The following SHTN1 variants were observed in gnomAD, a reference collection of about 807,000 sequenced individuals.
SHTN1 encodes shootin 1.
A neutral mutation model predicts 83.1 loss-of-function variants in SHTN1; 42 were observed. That is an observed-to-expected ratio of 0.51 (90% CI 0.39 to 0.65). The LOEUF is 0.65. Ranked by LOEUF, SHTN1 falls within the 30% of genes least tolerant of loss-of-function variation. SHTN1 has a pLI of 0.00. For synonymous variants in SHTN1, 224 were observed against 247.7 expected (o/e 0.90, Z 0.90); for missense variants, 622 against 737.8 (o/e 0.84, Z 1.82).
intron 8 of SHTN1, 38 bp downstream of exon 8, chr10:116,944,880 ACTCTGT>A: frequency 8.1e-7 from 1 of 1,240,464 alleles, no homozygotes; most frequent in Non-Finnish European, 1.2e-6. Context: ...ACAGAGCGAG[ACTCTGT>A]CTCAAGAAAA....
rs1347905633 is a variant in SHTN1, at chr10:116,968,645, T to C, written c.172+7A>G. On this transcript the variant is annotated splice_region_variant and intron_variant, in intron 3 of 16. Transcript: ENST00000355371. ...GTTATAATAATTCCACTGAAATGCT[T>C]ACGTACTTTTCTGAAATTCTTCCAG... 4 of 1,600,680 alleles carry C rather than the reference T, an allele frequency of 2.5e-6. No individual in the cohort carries two copies. The African/African-American group carries it at 5.4e-5, about 21-fold the overall frequency.
At chr10:116,907,352 G>C (rs1459670020) in intron 14 of SHTN1, among the ~76,000 whole-genome samples, 1 of 152,166 alleles carries the variant, frequency 6.6e-6, no homozygotes, top group African/African-American at 2.4e-5. Context: ...GCAAGCAAGG[G>C]TCGGCATCTT....
In SHTN1 at chr10:116,949,147, A is replaced by G. The variant is rs533793471; in HGVS notation, c.535-150T>C. The G allele has an allele frequency of 7.4e-6, 6 of 814,308 alleles. No individual in the cohort carries two copies. The Admixed American group carries it at 2.0e-4, about 27-fold the overall frequency. The allele number at this position is 814,308 out of a possible 1,614,324, so 50.4% of individuals were successfully genotyped here. A position where few individuals can be genotyped will look rare whatever the true frequency, so the allele number is the denominator to read the frequency against. ...TTTCAATGTGTTAGGACTTTTTATT[A>G]AAGCTCTTCTTTAAAGCTTCAAGGA... On this transcript the variant is annotated intron_variant, in intron 6 of 16. Coordinates refer to ENST00000355371, the MANE Select transcript of SHTN1 (RefSeq NM_001127211.3).
intron 14 of SHTN1, among the ~76,000 whole-genome samples, chr10:116,907,131 G>T (rs1589795417): frequency 1.3e-5 from 2 of 152,250 alleles, no homozygotes; most frequent in Middle Eastern, 3.4e-3. Context: ...TCTTTATATG[G>T]CAGCCACAAG....
At chr10:116,999,191 C>G (rs1016374757) in intron 1 of SHTN1, among the ~76,000 whole-genome samples, 2 of 152,172 alleles carry the variant, frequency 1.3e-5, no homozygotes, top group African/African-American at 2.4e-5. Context: ...ATCCAGAGGA[C>G]ATTAAATACA....
At chr10:117,073,502 T>C (rs1036116313) in intron 1 of SHTN1, among the ~76,000 whole-genome samples, 6 of 152,198 alleles carry the variant, frequency 3.9e-5, no homozygotes, top group African/African-American at 1.2e-4. Context: ...TACCATATTA[T>C]AGTGCATTTC....
chr10:116,926,733 G>C (rs1338692321), intron 11 of SHTN1, among the ~76,000 whole-genome samples: 2 of 150,380 alleles, frequency 1.3e-5, no homozygotes, highest in African/African-American at 4.9e-5. Context: ...AAAAACCCTA[G>C]AAAAAGTTTT....
At chr10:117,097,900 T>C (rs1197761879) in intron 1 of SHTN1, among the ~76,000 whole-genome samples, 1 of 152,138 alleles carries the variant, frequency 6.6e-6, no homozygotes, top group African/African-American at 2.4e-5. Flanking sequence ...TGTTTTTTTT[T>C]TTCCATCATC....
intron 1 of SHTN1, among the ~76,000 whole-genome samples, chr10:116,982,410 T>C (rs926003806): frequency 6.6e-6 from 1 of 152,076 alleles, no homozygotes; most frequent in Non-Finnish European, 1.5e-5. Flanking sequence ...AAACAACACA[T>C]ACACAGACAT....
intron 13 of SHTN1, among the ~76,000 whole-genome samples, chr10:116,914,939 T>C (rs1848331208): frequency 1.3e-5 from 2 of 152,224 alleles, no homozygotes; most frequent in Admixed American, 1.3e-4. Context: ...GTTGTTATTA[T>C]GTGATTCCGT....
chr10:116,940,432 T>C (rs1041103843), intron 9 of SHTN1, 34 bp downstream of exon 9: 3 of 1,607,302 alleles, frequency 1.9e-6, no homozygotes, highest in Non-Finnish European at 2.6e-6. Flanking sequence ...TGTATGTGTG[T>C]GTGTACCTAA....
chr10:117,048,789 C>T (rs1484194889), intron 1 of SHTN1, among the ~76,000 whole-genome samples: 1 of 152,100 alleles, frequency 6.6e-6, no homozygotes, highest in African/African-American at 2.4e-5. Context: ...TAATACCCAG[C>T]CATTAGCACT....
intron 1 of SHTN1, among the ~76,000 whole-genome samples, chr10:117,099,007 T>TATACACAC (rs1554939105): frequency 2.3e-5 from 1 of 43,088 alleles, no homozygotes; most frequent in Admixed American, 2.3e-4. Flanking sequence ...ATGTGGTATG[T>TATACACAC]ATACACACAC....
intron 1 of SHTN1, among the ~76,000 whole-genome samples, chr10:117,056,511 C>T (rs990904126): frequency 6.6e-6 from 1 of 152,184 alleles, no homozygotes; most frequent in East Asian, 1.9e-4. Context: ...CAATACTCAT[C>T]CATGATAAGA....
At chr10:116,940,691 G>A (rs888667088) in intron 8 of SHTN1, 79 bp from the exon 9 acceptor site, 6 of 1,179,922 alleles carry the variant, frequency 5.1e-6, no homozygotes, top group Non-Finnish European at 5.8e-6. Context: ...CAAAAGAAAA[G>A]TACATGGAAT....
chr10:116,969,419 C>T lies in SHTN1; in HGVS notation c.112-707G>A, dbSNP rs546554160. Among the ~76,000 whole-genome samples, 116 of 152,164 alleles carry T rather than the reference C, an allele frequency of 7.6e-4. 2 individuals carry two copies. In the South Asian group the frequency reaches 0.022, roughly 29 times the overall value. On this transcript the variant is annotated intron_variant, in intron 2 of 16. Coordinates refer to ENST00000355371, the MANE Select transcript of SHTN1 (RefSeq NM_001127211.3). Reference sequence around the variant, plus strand: ...TCACACCATTGCACTCCAGCATGGGCGACAGAGTGAGACTCTGACTCAAAA... The same window carrying T: ...TCACACCATTGCACTCCAGCATGGGTGACAGAGTGAGACTCTGACTCAAAA...
chr10:116,973,820 C>A, intron 2 of SHTN1: 1 of 1,196,434 alleles, frequency 8.4e-7, no homozygotes. Flanking sequence ...TTTAAACATG[C>A]CCAGCATCAG....
At position 117,049,240 on chromosome 10, in the gene SHTN1, C is replaced by T. The variant is rs538473126; in HGVS notation, c.-188-730G>A. Among the ~76,000 whole-genome samples the T allele has an allele frequency of 3.6e-4, 55 of 152,228 alleles. 1 individual carries two copies. In the Middle Eastern group the frequency reaches 0.01, roughly 28 times the overall value. ...CAGCCTTAACCAATCAGAAACAAGT[C>T]AGCTTTAAGCAACTGGAATAGCCTG... On this transcript the variant is annotated intron_variant, in intron 1 of 17. Coordinates refer to the SHTN1 transcript ENST00000392901.
intron 1 of SHTN1, among the ~76,000 whole-genome samples, chr10:117,052,021 T>TAGAA (rs1554934157): frequency 1.5e-5 from 2 of 136,552 alleles, no homozygotes; most frequent in African/African-American, 5.3e-5. Context: ...TATATATATA[T>TAGAA]AGAAAAGCCT....
Sources: allele counts gnomAD v4.1 joint callset (sites outside exome capture counted in the v4.1 genomes callset), GRCh38; gene constraint gnomAD v4.1.1; transcripts MANE v1.5; gene names NCBI Gene and HGNC (gene_info 2026-07-23, HGNC 2026-07-21).